GPR137B: variants seen among roughly 807,000 people sequenced by gnomAD.
GPR137B encodes integral membrane protein GPR137B.
GPR137B carries 42 observed loss-of-function variants against 42.5 expected under a neutral mutation model. That is an observed-to-expected ratio of 0.99 (90% CI 0.77 to 1.28). The LOEUF (loss-of-function observed/expected upper bound fraction) is 1.28. GPR137B is among the 50% of genes most tolerant of loss of function. The pLI is 0.00. For synonymous variants in GPR137B, 218 were observed against 209.7 expected (o/e 1.04, Z -0.34); for missense variants, 487 against 493.9 (o/e 0.99, Z 0.13).
intron 5 of GPR137B, among the ~76,000 whole-genome samples, chr1:236,199,901 T>C (rs1171239095): frequency 6.6e-6 from 1 of 151,930 alleles, no homozygotes; most frequent in Non-Finnish European, 1.5e-5. Flanking sequence ...TGGGTTTGGG[T>C]TTGGTTTGTT....
chr1:236,151,752 C>A (rs972159822), intron 1 of GPR137B, among the ~76,000 whole-genome samples: 1 of 152,128 alleles, frequency 6.6e-6, no homozygotes, highest in African/African-American at 2.4e-5. Context: ...GGCATACACA[C>A]TTGCGAGGCT....
At chr1:236,203,749 A>C (rs1402541970) in intron 5 of GPR137B, among the ~76,000 whole-genome samples, 2 of 151,950 alleles carry the variant, frequency 1.3e-5, no homozygotes, top group African/African-American at 4.8e-5. Flanking sequence ...TTTAATTTCT[A>C]GGTATTTGTG....
rs371529451 is a variant in GPR137B, at chr1:236,175,003, T to C, written c.465-3411T>C. Among the ~76,000 whole-genome samples, 18 of 152,172 alleles carry C rather than the reference T, an allele frequency of 1.2e-4. 1 individual carries two copies. Among genetic ancestry groups the C allele is most frequent in the African/African-American group, 3.4e-4 (14 of 41,532 alleles). ...GAACTCAGTCATACAAAAGTCATGA[T>C]TGAAGCTACAGAAACAAGCATATTT... On this transcript the variant is annotated intron_variant, in intron 2 of 6. Coordinates refer to ENST00000366592, the MANE Select transcript of GPR137B (RefSeq NM_003272.4).
intron 6 of GPR137B, chr1:236,207,338 T>C (rs1663693596): frequency 1.1e-6 from 1 of 921,938 alleles, no homozygotes; most frequent in South Asian, 5.0e-5. Flanking sequence ...AAGCTGTCCT[T>C]TGGGTCACTC....
At chr1:236,178,279 G>A (rs1662747868) in intron 2 of GPR137B, 135 bp from the exon 3 acceptor site, 3 of 627,806 alleles carry the variant, frequency 4.8e-6, no homozygotes, top group Non-Finnish European at 8.7e-6. Context: ...ATCTGGGAAC[G>A]TCTATTGCCA....
At chr1:236,172,884 T>G (rs1051740410) in intron 2 of GPR137B, among the ~76,000 whole-genome samples, 9 of 151,586 alleles carry the variant, frequency 5.9e-5, no homozygotes, top group African/African-American at 2.2e-4. Flanking sequence ...TAGAGACAGG[T>G]TCTTGCTATG....
At chr1:236,193,495 G>C (rs1471685339) in intron 5 of GPR137B, among the ~76,000 whole-genome samples, 1 of 152,122 alleles carries the variant, frequency 6.6e-6, no homozygotes, top group South Asian at 2.1e-4. Context: ...CTCACCAGCA[G>C]TGTATGAAGG....
intron 1 of GPR137B, among the ~76,000 whole-genome samples, chr1:236,152,721 T>C (rs1011709648): frequency 6.6e-6 from 1 of 151,864 alleles, no homozygotes; most frequent in East Asian, 1.9e-4. Flanking sequence ...ACCGTTGCAC[T>C]GTAACCTGGG....
At chr1:236,187,944 G>C (rs1663080827) in intron 5 of GPR137B, among the ~76,000 whole-genome samples, 1 of 152,052 alleles carries the variant, frequency 6.6e-6, no homozygotes, top group Non-Finnish European at 1.5e-5. Flanking sequence ...TCACAATATT[G>C]ATTCTTCCTA....
In GPR137B at chr1:236,171,289, A is replaced by G. The variant is rs1007537354; in HGVS notation, c.464+2534A>G. 1.3e-5 allele frequency among the ~76,000 whole-genome samples: 2 copies of G among 152,194 alleles called. No individual in the cohort carries two copies. The highest frequency in any genetic ancestry group is 2.9e-5 in the Non-Finnish European group (2 of 68,028). ...TTTGGGTTAGGGATGGTCAACCTGT[A>G]TAAAGTACAAGTAGACAGTTCCCTC... is the stretch of plus-strand genomic sequence containing the variant. On this transcript the variant is annotated intron_variant, in intron 2 of 6. Transcript: ENST00000366592. This position sits in a 1 kb window ranked among gnomAD's most constrained non-coding sequence, Gnocchi z 4.4.
At chr1:236,181,357 TG>T (rs775906907) in intron 4 of GPR137B, among the ~76,000 whole-genome samples, 3 of 152,114 alleles carry the variant, frequency 2.0e-5, no homozygotes, top group Non-Finnish European at 4.4e-5. Flanking sequence ...TTCCTCATCT[TG>T]GGCACTGTGC....
chr1:236,155,876 G>T lies in GPR137B; in HGVS notation c.415-12830G>T, dbSNP rs936817490. 5.9e-5 allele frequency among the ~76,000 whole-genome samples: 9 copies of T among 152,226 alleles called. No individual in the cohort carries two copies. The highest frequency in any genetic ancestry group is 2.0e-4 in the Admixed American group (3 of 15,284). On this transcript the variant is annotated intron_variant, in intron 1 of 6. Transcript: ENST00000366592. The surrounding 1 kb of genome is among the most constrained non-coding windows in gnomAD (Gnocchi z 4.6). ...TATGAAATGAGGAATGCCTTGTGAG[G>T]ACCAAGGTAGGGACATCCTGGGTGG...
chr1:236,164,711 T>A (rs905852406), intron 1 of GPR137B, among the ~76,000 whole-genome samples: 3 of 152,210 alleles, frequency 2.0e-5, no homozygotes, highest in Admixed American at 6.5e-5. Flanking sequence ...TATGTGCGTT[T>A]GTTGATATTA....
At chr1:236,187,800 C>T (rs1004214595) in intron 5 of GPR137B, among the ~76,000 whole-genome samples, 1 of 152,022 alleles carries the variant, frequency 6.6e-6, no homozygotes, top group Non-Finnish European at 1.5e-5. Context: ...TTAGGATTGT[C>T]TCGGCTATGT....
Position 236,158,452 on chromosome 1 carries a change from A to G in GPR137B, c.415-10254A>G, listed in dbSNP as rs59588881. ...AAACAAACAAACAAAACATAGCTGG[A>G]GCAAACGTGGCAAAGTATTAAGGAT... On this transcript the variant is annotated intron_variant, in intron 1 of 6. Transcript: ENST00000366592. 5.8e-3 allele frequency among the ~76,000 whole-genome samples: 878 copies of G among 152,300 alleles called. 11 individuals carry two copies. Among genetic ancestry groups the G allele is most frequent in the African/African-American group, 0.02 (850 of 41,572 alleles).
Position 236,142,886 on chromosome 1 carries a change from G to A in GPR137B, c.264G>A (p.Trp88Ter), listed in dbSNP as rs969205095. The change falls in exon 1 of 7, where the codon TGG becomes TGA. Residue 88 changes from tryptophan (W) to a stop codon, truncating the protein, a stop_gained. Transcript: ENST00000366592. LOFTEE classifies it high-confidence loss of function. The part of the protein sequence containing the change: ...QSVFLFLCLF[W>*]ASLRTVLFSF... ...TCTTCCTCTTTCTCTGCCTCTTCTG[G>A]GCCTCCCTGCGGACCGTCCTCTTCT... 6.2e-7 allele frequency: 1 copy of A among 1,614,194 alleles called. No homozygotes were observed. Among genetic ancestry groups the A allele is most frequent in the African/African-American group, 1.3e-5 (1 of 75,050 alleles).
intron 1 of GPR137B, among the ~76,000 whole-genome samples, chr1:236,163,251 A>G (rs1662250740): frequency 6.6e-6 from 1 of 152,198 alleles, no homozygotes; most frequent in Non-Finnish European, 1.5e-5. Flanking sequence ...GAACGGCTGT[A>G]TTTACCCAAT....
At chr1:236,144,663 A>G (rs1661634032) in intron 1 of GPR137B, among the ~76,000 whole-genome samples, 1 of 152,264 alleles carries the variant, frequency 6.6e-6, no homozygotes, top group Non-Finnish European at 1.5e-5. Context: ...TAAACCTGCA[A>G]ACCAGTTCAG....
chr1:236,172,813 T>C (rs1196456032), intron 2 of GPR137B, among the ~76,000 whole-genome samples: 1 of 151,610 alleles, frequency 6.6e-6, no homozygotes. Context: ...GCTTCCTGAG[T>C]AGCTGGGAAT....
Sources: allele counts gnomAD v4.1 joint callset (sites outside exome capture counted in the v4.1 genomes callset), GRCh38; gene constraint gnomAD v4.1.1; non-coding constraint Gnocchi (gnomAD v3.1); transcripts MANE v1.5; gene names NCBI Gene and HGNC (gene_info 2026-07-23, HGNC 2026-07-21).